Variants in MACROD2 observed in about 807,000 individuals in gnomAD.
MACROD2 encodes the protein ADP-ribose glycohydrolase MACROD2.
A neutral mutation model predicts 70.4 loss-of-function variants in MACROD2; 36 were observed. The ratio of observed to expected loss-of-function variants is 0.51; its 90% CI spans 0.39 to 0.68. MACROD2 has a LOEUF of 0.68. MACROD2 is among the 30% of genes least tolerant of loss of function. The pLI, the probability that MACROD2 is intolerant of heterozygous loss-of-function variation, is 0.00. For missense variants in MACROD2, 496 were observed against 538.4 expected (o/e 0.92, Z 0.78); for synonymous variants, 172 against 178.8 (o/e 0.96, Z 0.30).
intron 4 of MACROD2, among the ~76,000 whole-genome samples, chr20:14,665,413 A>G (rs777683703): frequency 4.8e-4 from 73 of 152,200 alleles, no homozygotes; most frequent in Middle Eastern, 6.8e-3. Flanking sequence ...ATTTTGAAAA[A>G]TGATAAGCCC....
chr20:14,085,524 A>G (rs1187340417), intron 2 of MACROD2, 97 bp from the exon 3 acceptor site: 24 of 571,200 alleles, frequency 4.2e-5, no homozygotes, highest in Non-Finnish European at 6.5e-5. Context: ...GTAGAGCATG[A>G]CACATATTGG....
chr20:15,342,396 A>AT (rs2146208946), intron 6 of MACROD2, among the ~76,000 whole-genome samples: 1 of 152,244 alleles, frequency 6.6e-6, no homozygotes, highest in Admixed American at 6.5e-5. Flanking sequence ...GTATTTTGAC[A>AT]TTTTTTGTGT....
chr20:15,137,439 C>G (rs1490922659), intron 5 of MACROD2, among the ~76,000 whole-genome samples: 4 of 150,676 alleles, frequency 2.7e-5, no homozygotes, highest in Non-Finnish European at 5.9e-5. Context: ...AATCATCATT[C>G]TCAGTAAACT....
chr20:15,781,464 A>T (rs956114422), intron 8 of MACROD2, among the ~76,000 whole-genome samples: 1 of 149,934 alleles, frequency 6.7e-6, no homozygotes, highest in African/African-American at 2.5e-5. Flanking sequence ...TATAGTTCTG[A>T]GGCTGGGAAG....
At chr20:15,601,800 G>T (rs912035948) in intron 8 of MACROD2, among the ~76,000 whole-genome samples, 1 of 152,242 alleles carries the variant, frequency 6.6e-6, no homozygotes, top group East Asian at 1.9e-4. Context: ...AGGCCGAGGC[G>T]GGTGGATCAC....
intron 8 of MACROD2, among the ~76,000 whole-genome samples, chr20:15,696,771 T>TTAAG (rs2050382296): frequency 6.6e-6 from 1 of 151,498 alleles, no homozygotes; most frequent in South Asian, 2.1e-4. Context: ...TCTTCATGAT[T>TTAAG]TAAGCTAGGA....
At chr20:14,832,644 C>G (rs995454656) in intron 5 of MACROD2, among the ~76,000 whole-genome samples, 2 of 152,144 alleles carry the variant, frequency 1.3e-5, no homozygotes, top group Non-Finnish European at 1.5e-5. Flanking sequence ...TAAATACATA[C>G]AATTTAATTG....
chr20:15,674,816 G>A (rs2054360873), intron 8 of MACROD2, among the ~76,000 whole-genome samples: 1 of 151,936 alleles, frequency 6.6e-6, no homozygotes, highest in Non-Finnish European at 1.5e-5. Flanking sequence ...TAGATATACT[G>A]CATATATAGA....
chr20:15,375,013 G>A (rs1315905851), intron 6 of MACROD2, among the ~76,000 whole-genome samples: 4 of 152,160 alleles, frequency 2.6e-5, no homozygotes, highest in Non-Finnish European at 5.9e-5. Flanking sequence ...AAATGGGCCG[G>A]CATTGGATGA....
At chr20:15,992,653 T>G (rs1332338202) in intron 15 of MACROD2, among the ~76,000 whole-genome samples, 2 of 152,238 alleles carry the variant, frequency 1.3e-5, no homozygotes, top group African/African-American at 4.8e-5. Flanking sequence ...GTATCGCCCT[T>G]TGTCTTCTTT....
At chr20:15,498,887 G>A (rs1050234419) in intron 7 of MACROD2, among the ~76,000 whole-genome samples, 1 of 152,184 alleles carries the variant, frequency 6.6e-6, no homozygotes, top group African/African-American at 2.4e-5. Flanking sequence ...TAGAGAGCTT[G>A]AAGATAAATT....
intron 5 of MACROD2, among the ~76,000 whole-genome samples, chr20:14,860,361 A>C (rs1047902515): frequency 6.6e-6 from 1 of 152,118 alleles, no homozygotes; most frequent in African/African-American, 2.4e-5. Context: ...TTTTTTGGAT[A>C]AGCAAAGCAA....
intron 3 of MACROD2, among the ~76,000 whole-genome samples, chr20:14,240,900 G>A (rs2081923379): frequency 6.6e-6 from 1 of 152,192 alleles, no homozygotes; most frequent in Admixed American, 6.5e-5. Context: ...GGAGGCCGAG[G>A]TGGGTGGATC....
chr20:15,898,682 C>T (rs1032714682), intron 10 of MACROD2, among the ~76,000 whole-genome samples: 4 of 151,446 alleles, frequency 2.6e-5, no homozygotes, highest in Admixed American at 2.6e-4. Context: ...AACTTGAGAA[C>T]TGTTGTTCTT....
chr20:15,333,659 C>T (rs1442987671), intron 6 of MACROD2, among the ~76,000 whole-genome samples: 2 of 151,490 alleles, frequency 1.3e-5, no homozygotes, highest in Non-Finnish European at 2.9e-5. Context: ...TCAGTTTCCT[C>T]ATATGTACAA....
At chr20:15,570,904 A>T (rs1245279099) in intron 8 of MACROD2, among the ~76,000 whole-genome samples, 1 of 152,140 alleles carries the variant, frequency 6.6e-6, no homozygotes, top group Non-Finnish European at 1.5e-5. Context: ...AGAAAAGGAA[A>T]AAAAGGTAGC....
chr20:15,098,674 A>T (rs546819671), intron 5 of MACROD2, among the ~76,000 whole-genome samples: 2 of 152,244 alleles, frequency 1.3e-5, no homozygotes, highest in African/African-American at 4.8e-5. Flanking sequence ...AGGATAGACA[A>T]CCAAGCCAAT....
intron 3 of MACROD2, among the ~76,000 whole-genome samples, chr20:14,264,493 TAAA>T (rs2082126862): frequency 6.6e-6 from 1 of 151,968 alleles, no homozygotes; most frequent in Non-Finnish European, 1.5e-5. Context: ...TTTTTTAGGG[TAAA>T]AAGGAAGACC....
chr20:15,238,816 T>C (rs1433728183), intron 6 of MACROD2, among the ~76,000 whole-genome samples: 2 of 152,220 alleles, frequency 1.3e-5, no homozygotes, highest in African/African-American at 4.8e-5. Flanking sequence ...TTATTTTCTG[T>C]TCTTTTATCA....
Sources: gnomAD v4.1 joint callset for allele counts (sites outside exome capture counted in the v4.1 genomes callset) on GRCh38, gnomAD v4.1.1 for gene constraint, MANE v1.5 for transcripts, NCBI Gene and HGNC (gene_info 2026-07-23, HGNC 2026-07-21) for gene names.